RAB31: variants seen among roughly 807,000 people sequenced by gnomAD.
The protein encoded by RAB31 is ras-related protein Rab-31.
RAB31 carries 21 observed loss-of-function variants against 25.6 expected under a neutral mutation model. That is an observed-to-expected ratio of 0.82 (90% CI 0.58 to 1.18). The LOEUF (loss-of-function observed/expected upper bound fraction) is 1.18. Ranked by LOEUF, RAB31 falls within the 50% of genes most tolerant of loss-of-function variation. RAB31 has a pLI of 0.00. For synonymous variants in RAB31, 87 were observed against 84.0 expected (o/e 1.04, Z -0.20); for missense variants, 196 against 250.1 (o/e 0.78, Z 1.46).
At position 9,708,383 on chromosome 18, in the gene RAB31, C is replaced by A. The variant is rs767970512; in HGVS notation, c.-23C>A. On this transcript the variant is annotated 5_prime_UTR_variant, in exon 1 of 7. Coordinates refer to ENST00000578921, the MANE Select transcript of RAB31 (RefSeq NM_006868.4). The surrounding 1 kb of genome is among the most constrained non-coding windows in gnomAD (Gnocchi z 6.4). ...GGCCCCGGAGGATGCTGCTGAGCCC[C>A]GGCACTGCCTGGCTGCGAGCACATG... The A allele has an allele frequency of 6.5e-7, 1 of 1,544,912 alleles. No homozygotes were observed. The highest frequency in any genetic ancestry group is 1.9e-5 in the Admixed American group (1 of 51,930).
At chr18:9,833,521 G>T (rs77239594) in intron 5 of RAB31, among the ~76,000 whole-genome samples, 1 of 152,142 alleles carries the variant, frequency 6.6e-6, no homozygotes, top group African/African-American at 2.4e-5. Context: ...ACTTTTGCTC[G>T]ATCTCTTGTT....
chr18:9,862,320 A>G lies in RAB31; in HGVS notation c.*2995A>G, dbSNP rs2068852544. 1 of 152,246 alleles carries G rather than the reference A, an allele frequency of 6.6e-6. No homozygotes were observed. The highest frequency in any genetic ancestry group is 1.5e-5 in the Non-Finnish European group (1 of 68,050). 9.4% of individuals were successfully genotyped at this position (152,246 alleles called of 1,614,324 possible). ...TTGTTGAAACCAGACCCTGTAGTCC[A>G]GTGGTGCTGCCCTGTTGTGCAAACT... On this transcript the variant is annotated 3_prime_UTR_variant, in exon 7 of 7. Transcript: ENST00000578921.
intron 3 of RAB31, among the ~76,000 whole-genome samples, chr18:9,798,777 C>T (rs539993221): frequency 3.5e-5 from 4 of 113,326 alleles, no homozygotes; most frequent in Admixed American, 1.1e-4. Context: ...TGCCACCATG[C>T]GCAGCTAATT....
rs567161390 is a variant in RAB31 at position 9,845,804 on chromosome 18, G to C, written c.490+113G>C. 11 of 1,385,428 alleles carry C rather than the reference G, an allele frequency of 7.9e-6. No homozygotes were observed. In the African/African-American group the frequency reaches 1.6e-4, roughly 20 times the overall value. 85.8% of individuals were successfully genotyped at this position (1,385,428 alleles called of 1,614,324 possible). On this transcript the variant is annotated intron_variant, in intron 6 of 6. Transcript: ENST00000578921. ...ACTTTTCCTCTGTGTGAATTTATCG[G>C]ATGCCATGGATACAAAATCTACAGC...
chr18:9,857,917 C>G (rs1451766830), intron 6 of RAB31, among the ~76,000 whole-genome samples: 1 of 151,928 alleles, frequency 6.6e-6, no homozygotes. Context: ...ATAGTCCCAG[C>G]TACTCAGAAG....
chr18:9,830,451 C>G (rs901171221), intron 5 of RAB31: 2 of 152,268 alleles, frequency 1.3e-5, no homozygotes, highest in African/African-American at 4.8e-5. Flanking sequence ...CCAGTTCACC[C>G]CTCCTTAGGC....
chr18:9,754,160 G>A (rs984974251), intron 1 of RAB31, among the ~76,000 whole-genome samples: 21 of 152,128 alleles, frequency 1.4e-4, no homozygotes, highest in African/African-American at 4.8e-4. Context: ...TGCATCTTAC[G>A]TGCTTATGCA....
chr18:9,791,532 G>C (rs1056593112), intron 2 of RAB31, among the ~76,000 whole-genome samples: 2 of 150,972 alleles, frequency 1.3e-5, no homozygotes, highest in African/African-American at 2.4e-5. Context: ...CAAGTAGCTG[G>C]GACTACAGGC....
intron 6 of RAB31, among the ~76,000 whole-genome samples, chr18:9,848,917 A>T (rs2068775002): frequency 6.6e-6 from 1 of 152,180 alleles, no homozygotes. Flanking sequence ...GCTTACAAAA[A>T]TATGTTATCT....
At chr18:9,812,286 C>T (rs116803114) in intron 3 of RAB31, among the ~76,000 whole-genome samples, 51 of 152,312 alleles carry the variant, frequency 3.3e-4, no homozygotes, top group African/African-American at 1.2e-3. Context: ...CCCATTTACT[C>T]CCATAAACAG....
At chr18:9,721,976 G>A (rs953523468) in intron 1 of RAB31, among the ~76,000 whole-genome samples, 1 of 152,170 alleles carries the variant, frequency 6.6e-6, no homozygotes, top group African/African-American at 2.4e-5. Context: ...GGGCAGCCAT[G>A]TGTGCCACCA....
At chr18:9,857,640 TATAG>T (rs369031976) in intron 6 of RAB31, among the ~76,000 whole-genome samples, 9,722 of 128,794 alleles carry the variant, frequency 0.075, 410 homozygotes, top group Non-Finnish European at 0.091. Flanking sequence ...TAGCCAATAA[TATAG>T]ATAGATAGAT....
intron 3 of RAB31, among the ~76,000 whole-genome samples, chr18:9,798,707 C>G (rs928230948): frequency 6.6e-6 from 1 of 151,808 alleles, no homozygotes; most frequent in African/African-American, 2.4e-5. Context: ...CAACCTCAAA[C>G]TCCCAGGCCT....
intron 1 of RAB31, among the ~76,000 whole-genome samples, chr18:9,736,869 CCT>C (rs907284725): frequency 3.3e-5 from 5 of 151,940 alleles, no homozygotes; most frequent in Admixed American, 2.0e-4. Context: ...CAAGTTTGCC[CCT>C]GTCATTTGAA....
chr18:9,840,327 G>A (rs543797236), intron 5 of RAB31, among the ~76,000 whole-genome samples: 26 of 152,292 alleles, frequency 1.7e-4, no homozygotes, highest in African/African-American at 6.3e-4. Flanking sequence ...CAGTTTACCT[G>A]TTTCAACGCC....
chr18:9,846,759 A>C (rs1201448838), intron 6 of RAB31, among the ~76,000 whole-genome samples: 1 of 152,150 alleles, frequency 6.6e-6, no homozygotes, highest in African/African-American at 2.4e-5. Context: ...GACTCCAAGA[A>C]CCCACAGGAG....
rs77803665 is a variant in RAB31, at chr18:9,750,044, C to T, written c.40-25234C>T. 5.9e-5 allele frequency among the ~76,000 whole-genome samples: 9 copies of T among 152,174 alleles called. No homozygotes were observed. In the East Asian group the frequency reaches 9.6e-4, roughly 16 times the overall value. On this transcript the variant is annotated intron_variant, in intron 1 of 6. Coordinates refer to ENST00000578921, the MANE Select transcript of RAB31 (RefSeq NM_006868.4). The stretch of plus-strand genomic sequence containing the variant: ...CTCCAGATTGAAACGTAGCTGTAAC[C>T]GCAGCTAACCAACAGGCTTCCCTTG...
intron 1 of RAB31, among the ~76,000 whole-genome samples, chr18:9,733,541 A>G (rs1014764328): frequency 6.6e-5 from 10 of 152,340 alleles, no homozygotes; most frequent in South Asian, 4.1e-4. Context: ...ATTCTGCTTA[A>G]TAGCTCGGCC....
At position 9,859,500 on chromosome 18, in the gene RAB31, TAGAAAACCCTG is replaced by T; in HGVS notation, c.*176_*186del. ...CAGGAAATGTACCTGAAAAGGATTT[TAGAAAACCCTG>T]GGAAAACCCACCACACCACCACAAA... is the stretch of plus-strand genomic sequence containing the variant. On this transcript the variant is annotated 3_prime_UTR_variant, in exon 7 of 7. Coordinates refer to ENST00000578921, the MANE Select transcript of RAB31 (RefSeq NM_006868.4). The T allele has an allele frequency of 4.0e-6, 2 of 502,608 alleles. No homozygotes were observed. Among genetic ancestry groups the T allele is most frequent in the Non-Finnish European group, 6.9e-6 (2 of 291,524 alleles). 31.1% of individuals were successfully genotyped at this position (502,608 alleles called of 1,614,324 possible).
Sources: allele counts gnomAD v4.1 joint callset (sites outside exome capture counted in the v4.1 genomes callset), GRCh38; gene constraint gnomAD v4.1.1; non-coding constraint Gnocchi (gnomAD v3.1); transcripts MANE v1.5; gene names NCBI Gene and HGNC (gene_info 2026-07-23, HGNC 2026-07-21).